Variants in SMURF1 observed in about 807,000 individuals in gnomAD.
The protein encoded by SMURF1 is SMAD specific E3 ubiquitin protein ligase 1.
A neutral mutation model predicts 98.0 loss-of-function variants in SMURF1; 44 were observed. The ratio of observed to expected loss-of-function variants is 0.45; its 90% CI spans 0.35 to 0.58. The LOEUF is 0.58. Among genes scored for constraint, SMURF1 ranks in the 20% least tolerant of loss-of-function variants. The pLI, the probability that SMURF1 is intolerant of heterozygous loss-of-function variation, is 0.00. For synonymous variants in SMURF1, 396 were observed against 374.9 expected (o/e 1.06, Z -0.65); for missense variants, 687 against 938.4 (o/e 0.73, Z 3.50).
intron 9 of SMURF1, chr7:99,049,362 C>A: frequency 3.5e-6 from 2 of 571,674 alleles, no homozygotes; most frequent in Non-Finnish European, 6.0e-6. Flanking sequence ...AAAAGGGTAG[C>A]AACAACATAG....
In SMURF1 at chr7:99,042,178, G is replaced by A; in HGVS notation, c.1311C>T (p.Phe437=). The A allele has an allele frequency of 1.2e-6, 2 of 1,614,084 alleles. No homozygotes were observed. The highest frequency in any genetic ancestry group is 1.7e-6 in the Non-Finnish European group (2 of 1,180,018). Residue 437 remains phenylalanine (F), a synonymous_variant, in exon 12 of 18, where the codon TTC becomes TTT. Coordinates refer to ENST00000361368, the MANE Select transcript of SMURF1 (RefSeq NM_181349.3). Reference sequence around the variant, plus strand: ...TGTAAATATTGTCCGTAGAATACTGGAAGAGCCCGTAATAAGGATTCAGCA... The same window carrying A: ...TGTAAATATTGTCCGTAGAATACTGAAAGAGCCCGTAATAAGGATTCAGCA... The part of the protein sequence containing the change: ...HEMLNPYYGL[F]QYSTDNIYML...
chr7:99,129,850 C>T (rs1563042596), intron 1 of SMURF1, among the ~76,000 whole-genome samples: 1 of 152,156 alleles, frequency 6.6e-6, no homozygotes, highest in Admixed American at 6.5e-5. Flanking sequence ...AACACAGGTT[C>T]GAACTTCAGC....
Position 99,030,455 on chromosome 7 carries a change from A to C in SMURF1, c.*129T>G. 1.3e-6 allele frequency: 1 copy of C among 760,874 alleles called. No individual in the cohort carries two copies. The highest frequency in any genetic ancestry group is 2.2e-6 in the Non-Finnish European group (1 of 454,524). 47.1% of individuals were successfully genotyped at this position (760,874 alleles called of 1,614,324 possible). ...ATCCCCCTCCCCCAACAGAAAGGAGAGAGACAACCCTTTCCCCTCAGGTGA... is the reference window on the plus strand; with the variant it reads ...ATCCCCCTCCCCCAACAGAAAGGAGCGAGACAACCCTTTCCCCTCAGGTGA... On this transcript the variant is annotated 3_prime_UTR_variant, in exon 18 of 18. Transcript: ENST00000361368.
chr7:99,038,708 CTGTT>C (rs1181446643), intron 13 of SMURF1, among the ~76,000 whole-genome samples, 183 bp from the exon 14 acceptor site: 1 of 152,174 alleles, frequency 6.6e-6, no homozygotes, highest in Non-Finnish European at 1.5e-5. Flanking sequence ...GACCACAGCT[CTGTT>C]TCCAGATGTC....
intron 1 of SMURF1, among the ~76,000 whole-genome samples, chr7:99,066,350 A>G (rs905457341): frequency 6.6e-6 from 1 of 152,178 alleles, no homozygotes; most frequent in Non-Finnish European, 1.5e-5. Flanking sequence ...TTGCTTCTGA[A>G]TAGAATAATC....
chr7:99,143,642 G>C, intron 1 of SMURF1, 84 bp downstream of exon 1: 1 of 1,236,622 alleles, frequency 8.1e-7, no homozygotes, highest in African/African-American at 1.6e-5. Context: ...CGTGGGGGAG[G>C]GCCGCTTCCA....
chr7:99,049,780 A>G, intron 8 of SMURF1, 71 bp from the exon 9 acceptor site: 1 of 1,457,482 alleles, frequency 6.9e-7, no homozygotes, highest in East Asian at 2.3e-5. Flanking sequence ...AGTCAGCAAC[A>G]GAAGCCACAG....
intron 17 of SMURF1, 169 bp downstream of exon 17, chr7:99,032,868 C>T (rs1190817998): frequency 4.4e-6 from 4 of 918,756 alleles, no homozygotes; most frequent in Admixed American, 2.3e-5. Context: ...TGTCATTCAA[C>T]TCTAGAATTT....
At chr7:99,141,932 CT>C (rs1393093558) in intron 1 of SMURF1, among the ~76,000 whole-genome samples, 1 of 152,190 alleles carries the variant, frequency 6.6e-6, no homozygotes, top group Non-Finnish European at 1.5e-5. Flanking sequence ...TTAGAATGAA[CT>C]TTTTAGTTTC....
At chr7:99,094,944 T>A (rs1032580352) in intron 1 of SMURF1, among the ~76,000 whole-genome samples, 2 of 152,194 alleles carry the variant, frequency 1.3e-5, no homozygotes, top group African/African-American at 4.8e-5. Flanking sequence ...ACTGGCTCCA[T>A]CAATGGCCAC....
In SMURF1 at chr7:99,030,227, C is replaced by CCTAA. The variant is rs754007142; in HGVS notation, c.*353_*356dup. On this transcript the variant is annotated 3_prime_UTR_variant, in exon 18 of 18. Coordinates refer to ENST00000361368, the MANE Select transcript of SMURF1 (RefSeq NM_181349.3). ...ACCCTCAATCAGCCACGCCCAGTCC[C>CCTAA]CTAACTGTGAGTTGATGCTCCCGTA... is the stretch of plus-strand genomic sequence containing the variant. 6.8e-4 allele frequency: 144 copies of CCTAA among 213,206 alleles called. No individual in the cohort carries two copies. Among genetic ancestry groups the CCTAA allele is most frequent in the Admixed American group, 8.9e-4 (17 of 19,000 alleles). The allele number at this position is 213,206 out of a possible 1,614,324, so 13.2% of individuals were successfully genotyped here. A position where few individuals can be genotyped will look rare whatever the true frequency, so the allele number is the denominator to read the frequency against.
chr7:99,027,513 GT>G lies in SMURF1; in HGVS notation c.*3070del, dbSNP rs886464890. On this transcript the variant is annotated 3_prime_UTR_variant, in exon 18 of 18. Coordinates refer to ENST00000361368, the MANE Select transcript of SMURF1 (RefSeq NM_181349.3). ...GGGCCCAGCCTGCTGTACAATCACT[GT>G]TTGTTTTGTGTTTCCAGCTGGTTCC... The G allele has an allele frequency of 6.6e-6, 1 of 152,538 alleles. No individual in the cohort carries two copies. Among genetic ancestry groups the G allele is most frequent in the Non-Finnish European group, 1.5e-5 (1 of 68,022 alleles). 9.4% of individuals were successfully genotyped at this position (152,538 alleles called of 1,614,324 possible).
In SMURF1 at chr7:99,144,016, G is replaced by GCCGCCGCCGCCT. The variant is rs753998453; in HGVS notation, c.-248_-237dup. On this transcript the variant is annotated 5_prime_UTR_variant, in exon 1 of 18. Coordinates refer to ENST00000361368, the MANE Select transcript of SMURF1 (RefSeq NM_181349.3). ...TGCTTCCAGCCGAGCCCAGTCCCGA[G>GCCGCCGCCGCCT]CCGCCGCCGCCTCCGCCGCCGCCTC... The GCCGCCGCCGCCT allele has an allele frequency of 1.5e-3, 418 of 274,996 alleles. No individual in the cohort carries two copies. The highest frequency in any genetic ancestry group is 9.4e-3 in the East Asian group (152 of 16,120). 17.0% of individuals were successfully genotyped at this position (274,996 alleles called of 1,614,324 possible). A position where few individuals can be genotyped will look rare whatever the true frequency, so the allele number is the denominator to read the frequency against.
At chr7:99,131,174 T>C (rs1036675266) in intron 1 of SMURF1, among the ~76,000 whole-genome samples, 3 of 152,160 alleles carry the variant, frequency 2.0e-5, no homozygotes, top group African/African-American at 7.2e-5. Context: ...ATTCTCTCTA[T>C]TGAGCTAATT....
At chr7:99,139,057 C>T (rs1798056163) in intron 1 of SMURF1, among the ~76,000 whole-genome samples, 1 of 152,206 alleles carries the variant, frequency 6.6e-6, no homozygotes, top group Non-Finnish European at 1.5e-5. Context: ...TTTTGCCTGC[C>T]TCACATAAGT....
At chr7:99,072,073 C>T (rs535516180) in intron 1 of SMURF1, among the ~76,000 whole-genome samples, 2 of 150,988 alleles carry the variant, frequency 1.3e-5, no homozygotes, top group South Asian at 2.1e-4. Flanking sequence ...AGTGAGATGC[C>T]GTCTCTTTAA....
At chr7:99,108,611 CAA>C (rs11458541) in intron 1 of SMURF1, among the ~76,000 whole-genome samples, 5 of 58,584 alleles carry the variant, frequency 8.5e-5, no homozygotes, top group South Asian at 1.3e-3. Flanking sequence ...AACTCTGTCT[CAA>C]AAAAAAAAAA....
At chr7:99,070,831 T>C (rs1308879400) in intron 1 of SMURF1, among the ~76,000 whole-genome samples, 1 of 152,092 alleles carries the variant, frequency 6.6e-6, no homozygotes, top group Non-Finnish European at 1.5e-5. Flanking sequence ...TGAAAACAAC[T>C]GTTTTGCAAG....
chr7:99,040,664 A>G, intron 12 of SMURF1, 108 bp from the exon 13 acceptor site: 1 of 1,050,000 alleles, frequency 9.5e-7, no homozygotes, highest in Non-Finnish European at 1.3e-6. Context: ...AGGCAACCAG[A>G]CCTACTGACT....
Sources: gnomAD v4.1 joint callset for allele counts (sites outside exome capture counted in the v4.1 genomes callset) on GRCh38, gnomAD v4.1.1 for gene constraint, MANE v1.5 for transcripts, NCBI Gene and HGNC (gene_info 2026-07-23, HGNC 2026-07-21) for gene names.